CNTNAP3B: variants seen among roughly 807,000 people sequenced by gnomAD.
CNTNAP3B encodes contactin-associated protein-like 3B.
Under a neutral mutation model 108.9 loss-of-function variants are expected in CNTNAP3B, and 25 were observed. That is an observed-to-expected ratio of 0.23 (90% confidence interval 0.17 to 0.32). The LOEUF is 0.32. Ranked by LOEUF, CNTNAP3B falls within the 10% of genes least tolerant of loss-of-function variation. The pLI is 1.00. For missense variants in CNTNAP3B, 252 were observed against 1,210.4 expected (o/e 0.21, Z 11.75); for synonymous variants, 103 against 473.4 (o/e 0.22, Z 10.16).
Position 42,029,315 on chromosome 9 carries a change from C to T in CNTNAP3B, c.391-15790G>A, listed in dbSNP as rs1305902370. ...TGTCAGTTTGTGTTTTATTATACTG[C>T]GATAAATGTGTTGCTTTTTCATTTG... On this transcript the variant is annotated intron_variant, in intron 3 of 23. Coordinates refer to ENST00000377561, the MANE Select transcript of CNTNAP3B (RefSeq NM_001201380.3). 3.9e-5 allele frequency among the ~76,000 whole-genome samples: 5 copies of T among 128,198 alleles called. 1 individual carries two copies. Among genetic ancestry groups the T allele is most frequent in the African/African-American group, 1.3e-4 (4 of 31,712 alleles). The allele number at this position is 128,198 out of a possible 152,430, so 84.1% of individuals were successfully genotyped here.
At chr9:42,056,417 C>T (rs1358673122) in intron 3 of CNTNAP3B, among the ~76,000 whole-genome samples, 1 of 138,996 alleles carries the variant, frequency 7.2e-6, no homozygotes, top group Non-Finnish European at 1.5e-5. Flanking sequence ...GTGGCGCAAT[C>T]TTGGCTCACT....
intron 14 of CNTNAP3B, among the ~76,000 whole-genome samples, chr9:41,930,106 T>C (rs1455311506): frequency 2.4e-4 from 37 of 152,416 alleles, no homozygotes; most frequent in Non-Finnish European, 5.0e-4. Flanking sequence ...TTATGATTAC[T>C]GGGTATTTCT....
At chr9:41,965,719 G>A (rs1379571735) in intron 10 of CNTNAP3B, among the ~76,000 whole-genome samples, 2 of 152,152 alleles carry the variant, frequency 1.3e-5, no homozygotes, top group East Asian at 1.9e-4. Flanking sequence ...ACCCAGAGAA[G>A]TAACAGAAGA....
intron 3 of CNTNAP3B, among the ~76,000 whole-genome samples, chr9:42,047,239 C>T (rs1179130726): frequency 2.1e-5 from 2 of 95,704 alleles, no homozygotes; most frequent in South Asian, 3.7e-4. Flanking sequence ...AAAAGTTTTG[C>T]TGTTTTTATA....
At position 42,114,708 on chromosome 9, in the gene CNTNAP3B, A is replaced by G. The variant is rs1370388048; in HGVS notation, c.86-9969T>C. ...TGATTGAGGACAACATCGTTCATCAAATGTGAAAAGCTACCCAAATGAAAC... is the reference window on the plus strand; with the variant it reads ...TGATTGAGGACAACATCGTTCATCAGATGTGAAAAGCTACCCAAATGAAAC... On this transcript the variant is annotated intron_variant, in intron 1 of 23. Transcript: ENST00000377561. 1.6e-5 allele frequency among the ~76,000 whole-genome samples: 2 copies of G among 122,814 alleles called. 1 individual carries two copies. Among genetic ancestry groups the G allele is most frequent in the East Asian group, 4.9e-4 (2 of 4,076 alleles). The allele number at this position is 122,814 out of a possible 152,430, so 80.6% of individuals were successfully genotyped here.
At chr9:41,955,221 G>A (rs1185969044) in intron 12 of CNTNAP3B, among the ~76,000 whole-genome samples, 1 of 148,884 alleles carries the variant, frequency 6.7e-6, no homozygotes, top group Non-Finnish European at 1.5e-5. Flanking sequence ...TGATAGATTT[G>A]CAGTCACCCA....
At chr9:41,966,305 A>G (rs1408241076) in intron 10 of CNTNAP3B, among the ~76,000 whole-genome samples, 2 of 152,306 alleles carry the variant, frequency 1.3e-5, no homozygotes, top group Non-Finnish European at 2.9e-5. Context: ...CAACAGGGAG[A>G]GAATAATTTT....
chr9:42,129,145 G>A lies in CNTNAP3B; in HGVS notation c.-51C>T. 2 of 1,522,608 alleles carry A rather than the reference G, an allele frequency of 1.3e-6. No individual in the cohort carries two copies. 94.3% of individuals were successfully genotyped at this position (1,522,608 alleles called of 1,614,324 possible). A position where few individuals can be genotyped will look rare whatever the true frequency, so the allele number is the denominator to read the frequency against. The stretch of plus-strand genomic sequence containing the variant: ...ACCCGGGCACGGCGACGGCCGCTCT[G>A]CGTCGTTCCTGCTCTCACTCCCGCT... On this transcript the variant is annotated 5_prime_UTR_variant, in exon 1 of 24. Transcript: ENST00000377561.
intron 8 of CNTNAP3B, among the ~76,000 whole-genome samples, chr9:41,986,732 G>T (rs1295874275): frequency 7.7e-4 from 115 of 149,060 alleles, no homozygotes; most frequent in Non-Finnish European, 1.2e-3. Flanking sequence ...AAGAATGATT[G>T]TGAAAAGGTT....
intron 13 of CNTNAP3B, among the ~76,000 whole-genome samples, chr9:41,942,405 T>C (rs2118089907): frequency 6.6e-6 from 1 of 152,032 alleles, no homozygotes; most frequent in South Asian, 2.1e-4. Context: ...GGTCAGGAGA[T>C]CCAGACCATC....
intron 3 of CNTNAP3B, among the ~76,000 whole-genome samples, chr9:42,063,812 C>T (rs899086987): frequency 2.2e-4 from 33 of 148,264 alleles, no homozygotes; most frequent in Non-Finnish European, 4.2e-4. Flanking sequence ...ACCTCAAACT[C>T]CTGGGCTCAA....
chr9:42,051,813 G>A (rs1384735357), intron 3 of CNTNAP3B, among the ~76,000 whole-genome samples: 1 of 152,046 alleles, frequency 6.6e-6, no homozygotes, highest in African/African-American at 2.4e-5. Context: ...AGTAATTTTT[G>A]CAAACTTCCT....
intron 2 of CNTNAP3B, among the ~76,000 whole-genome samples, chr9:42,094,672 AAG>A (rs1172265777): frequency 9.6e-6 from 1 of 104,528 alleles, no homozygotes; most frequent in Non-Finnish European, 1.9e-5. Context: ...AAGAAAGAGA[AAG>A]AGAGAAGAGG....
intron 14 of CNTNAP3B, among the ~76,000 whole-genome samples, chr9:41,930,535 CCT>C (rs1823947052): frequency 6.6e-6 from 1 of 151,730 alleles, no homozygotes; most frequent in Admixed American, 6.6e-5. Context: ...AAAGTGAGAC[CCT>C]GTCTCAAAAA....
intron 3 of CNTNAP3B, among the ~76,000 whole-genome samples, chr9:42,060,560 C>T: frequency 1.2e-5 from 1 of 80,178 alleles, no homozygotes; most frequent in Non-Finnish European, 2.3e-5. Flanking sequence ...GAAAGTATTC[C>T]CTTCTCTTCC....
At position 41,986,263 on chromosome 9, in the gene CNTNAP3B, T is replaced by G; in HGVS notation, c.1382A>C (p.Lys461Thr). The G allele has an allele frequency of 9.1e-7, 1 of 1,095,024 alleles. No homozygotes were observed. Among genetic ancestry groups the G allele is most frequent in the Non-Finnish European group, 1.2e-6 (1 of 816,268 alleles). The allele number at this position is 1,095,024 out of a possible 1,614,324, so 67.8% of individuals were successfully genotyped here. The stretch of plus-strand genomic sequence containing the variant: ...CACCACCACATTCATATGGCTCCAC[T>G]TGGCAGAGAAGGATACAGAGTGCCA... The part of the protein sequence containing the change: ...GQWHSVSFSA[K>T]WSHMNVVVDD... The change falls in exon 9 of 24, where the codon AAG becomes ACG. Residue 461 changes from lysine (K) to threonine (T), a missense_variant. Lys to Thr is a moderately conservative substitution (Grantham distance 78). Transcript: ENST00000377561.
rs71512016 is a variant in CNTNAP3B at position 42,096,104 on chromosome 9, G to A, written c.196+8525C>T. Among the ~76,000 whole-genome samples, 3 of 140,048 alleles carry A rather than the reference G, an allele frequency of 2.1e-5. 1 individual carries two copies. The highest frequency in any genetic ancestry group is 8.5e-5 in the African/African-American group (3 of 35,470). The allele number at this position is 140,048 out of a possible 152,430, so 91.9% of individuals were successfully genotyped here. A position where few individuals can be genotyped will look rare whatever the true frequency, so the allele number is the denominator to read the frequency against. On this transcript the variant is annotated intron_variant, in intron 2 of 23. Coordinates refer to ENST00000377561, the MANE Select transcript of CNTNAP3B (RefSeq NM_001201380.3). ...GTCCTCACCGGCCACCAGAGCTGCC[G>A]CAGGGCGTCCAGTCCTGTCACTGAA...
At chr9:41,926,215 C>T in intron 15 of CNTNAP3B, among the ~76,000 whole-genome samples, 1 of 152,284 alleles carries the variant, frequency 6.6e-6, no homozygotes, top group Admixed American at 6.5e-5. Context: ...CTCCTATGCT[C>T]CTCACTTTTT....
At chr9:41,969,704 A>G (rs1825385331) in intron 10 of CNTNAP3B, among the ~76,000 whole-genome samples, 1 of 150,484 alleles carries the variant, frequency 6.6e-6, no homozygotes, top group Non-Finnish European at 1.5e-5. Context: ...TGCAAGCTCC[A>G]CCTCCCGGGT....
Sources: gnomAD v4.1 joint callset for allele counts (sites outside exome capture counted in the v4.1 genomes callset) on GRCh38, gnomAD v4.1.1 for gene constraint, MANE v1.5 for transcripts, NCBI Gene and HGNC (gene_info 2026-07-23, HGNC 2026-07-21) for gene names.